NAALADL2: variants seen among roughly 807,000 people sequenced by gnomAD.
The protein encoded by NAALADL2 is N-acetylated alpha-linked acidic dipeptidase like 2.
Under a neutral mutation model 87.2 loss-of-function variants are expected in NAALADL2, and 76 were observed. That is an observed-to-expected ratio of 0.87 (90% CI 0.72 to 1.05). The LOEUF (loss-of-function observed/expected upper bound fraction) is 1.05, where lower values mean the gene tolerates loss of function less well. NAALADL2 is among the 50% of genes least tolerant of loss of function. The pLI is 0.00. For synonymous variants in NAALADL2, 354 were observed against 331.0 expected (o/e 1.07, Z -0.75); for missense variants, 1,089 against 945.8 (o/e 1.15, Z -1.99).
At chr3:174,660,040 CTT>C (rs1214680737) in intron 2 of NAALADL2, among the ~76,000 whole-genome samples, 1 of 152,100 alleles carries the variant, frequency 6.6e-6, no homozygotes, top group Admixed American at 6.6e-5. Context: ...ATAATAAACA[CTT>C]TTATTTTTAA....
chr3:175,430,866 C>T (rs1717638001), intron 5 of NAALADL2, among the ~76,000 whole-genome samples: 1 of 151,970 alleles, frequency 6.6e-6, no homozygotes, highest in Non-Finnish European at 1.5e-5. Flanking sequence ...TTTCCTGTTG[C>T]TTATGGATAA....
rs115429482 is a variant in NAALADL2, at chr3:174,461,757, T to C, written c.-184+20725T>C. 1.7e-3 allele frequency among the ~76,000 whole-genome samples: 257 copies of C among 152,240 alleles called. 1 individual carries two copies. The highest frequency in any genetic ancestry group is 6.0e-3 in the African/African-American group (251 of 41,576). The stretch of plus-strand genomic sequence containing the variant: ...GCTCTTGATAGCTTTGGAATTTCTA[T>C]ACTATAGTGCCCTTATATACTTTAA... On this transcript the variant is annotated intron_variant, in intron 1 of 3. Coordinates refer to the NAALADL2 transcript ENST00000434257.
chr3:174,928,320 A>T (rs376992736), intron 1 of NAALADL2, among the ~76,000 whole-genome samples: 3 of 152,088 alleles, frequency 2.0e-5, no homozygotes, highest in African/African-American at 7.2e-5. Flanking sequence ...GCTCACTGCA[A>T]CCTCTGCCTC....
intron 3 of NAALADL2, among the ~76,000 whole-genome samples, chr3:174,788,591 C>T (rs1717087252): frequency 6.6e-6 from 1 of 152,108 alleles, no homozygotes; most frequent in African/African-American, 2.4e-5. Context: ...CACACCCTAA[C>T]CACTCCATTT....
At chr3:175,690,599 T>C (rs1736919887) in intron 11 of NAALADL2, among the ~76,000 whole-genome samples, 1 of 151,990 alleles carries the variant, frequency 6.6e-6, no homozygotes, top group African/African-American at 2.4e-5. Context: ...AACAATTAGA[T>C]AGAGAGTTAA....
chr3:174,449,700 C>G (rs1395876272), intron 1 of NAALADL2, among the ~76,000 whole-genome samples: 1 of 152,088 alleles, frequency 6.6e-6, no homozygotes, highest in Non-Finnish European at 1.5e-5. Context: ...TATCTTCTGT[C>G]TTTTATTTTT....
intron 5 of NAALADL2, among the ~76,000 whole-genome samples, chr3:175,427,135 T>G (rs189219976): frequency 6.6e-6 from 1 of 152,344 alleles, no homozygotes; most frequent in East Asian, 1.9e-4. Context: ...CTTGAATATA[T>G]GCTGTTCTTT....
intron 2 of NAALADL2, among the ~76,000 whole-genome samples, chr3:175,201,558 T>G (rs1294806056): frequency 6.6e-6 from 1 of 152,188 alleles, no homozygotes; most frequent in African/African-American, 2.4e-5. Flanking sequence ...TAACTAGGTT[T>G]GACAGTAAAA....
intron 1 of NAALADL2, among the ~76,000 whole-genome samples, chr3:174,891,366 T>G (rs1319400957): frequency 1.3e-5 from 2 of 152,058 alleles, no homozygotes; most frequent in Non-Finnish European, 2.9e-5. Context: ...GCACTCACAG[T>G]ACCTGGTTTT....
intron 1 of NAALADL2, among the ~76,000 whole-genome samples, chr3:174,944,239 C>T (rs566496397): frequency 9.2e-5 from 14 of 152,162 alleles, no homozygotes; most frequent in African/African-American, 2.9e-4. Context: ...TGGTAGAGAC[C>T]CCGATTAGGA....
chr3:174,625,057 C>CTCTCTTTTTTTTTTTTTTTTTT (rs748895219), intron 2 of NAALADL2, among the ~76,000 whole-genome samples: 1 of 78,846 alleles, frequency 1.3e-5, no homozygotes, highest in Non-Finnish European at 2.2e-5. Flanking sequence ...CTCTCTCTCT[C>CTCTCTTTTTTTTTTTTTTTTTT]TTTTTTTTTT....
intron 11 of NAALADL2, among the ~76,000 whole-genome samples, chr3:175,674,660 T>C (rs1016328917): frequency 1.3e-5 from 2 of 152,192 alleles, no homozygotes; most frequent in Non-Finnish European, 2.9e-5. Context: ...TAACTTCTTA[T>C]TGGGTTGGAT....
intron 2 of NAALADL2, among the ~76,000 whole-genome samples, chr3:175,114,774 G>C (rs189449535): frequency 6.6e-6 from 1 of 151,584 alleles, no homozygotes; most frequent in Non-Finnish European, 1.5e-5. Context: ...TGAAGATTGA[G>C]ACATTATTTA....
At position 174,703,422 on chromosome 3, in the gene NAALADL2, G is replaced by C. The variant is rs1228325349; in HGVS notation, c.-114-34219G>C. 2.6e-5 allele frequency among the ~76,000 whole-genome samples: 4 copies of C among 151,862 alleles called. No individual in the cohort carries two copies. The South Asian group carries it at 6.3e-4, about 24-fold the overall frequency. On this transcript the variant is annotated intron_variant, in intron 2 of 3. Coordinates refer to the NAALADL2 transcript ENST00000434257. Reference sequence around the variant, plus strand: ...TGAGGTGAGGAGCAGCAATATTTAAGTTTTTGAAGAGCAAGAAAATGCCGC... The same window carrying C: ...TGAGGTGAGGAGCAGCAATATTTAACTTTTTGAAGAGCAAGAAAATGCCGC...
chr3:175,612,521 T>G (rs1420171078), intron 10 of NAALADL2, among the ~76,000 whole-genome samples: 1 of 152,182 alleles, frequency 6.6e-6, no homozygotes, highest in East Asian at 1.9e-4. Flanking sequence ...TTGACGAATG[T>G]ATTTGTTTCT....
rs114374516 is a variant in NAALADL2, at chr3:175,199,010, A to G, written c.546-34921A>G. The stretch of plus-strand genomic sequence containing the variant: ...GTTTGCATCTGGACATTGTAGACTT[A>G]AATTTTAAGGACAGTTTCAATAAAT... On this transcript the variant is annotated intron_variant, in intron 2 of 13. Coordinates refer to ENST00000454872, the MANE Select transcript of NAALADL2 (RefSeq NM_207015.3). Among the ~76,000 whole-genome samples the G allele has an allele frequency of 2.3e-3, 353 of 152,246 alleles. 2 individuals carry two copies. The highest frequency in any genetic ancestry group is 8.2e-3 in the African/African-American group (342 of 41,554).
At chr3:175,603,522 A>G (rs1248559552) in intron 10 of NAALADL2, among the ~76,000 whole-genome samples, 6 of 152,042 alleles carry the variant, frequency 3.9e-5, no homozygotes, top group Admixed American at 2.0e-4. Flanking sequence ...TTCTATCTCT[A>G]TGATTTGGAC....
chr3:175,692,307 T>G (rs1160270931), intron 11 of NAALADL2, among the ~76,000 whole-genome samples: 1 of 152,164 alleles, frequency 6.6e-6, no homozygotes, highest in East Asian at 1.9e-4. Flanking sequence ...ATATAGAGCT[T>G]GGATCTGGAA....
chr3:175,581,766 C>T lies in NAALADL2; in HGVS notation c.1800+5579C>T, dbSNP rs952594150. On this transcript the variant is annotated intron_variant, in intron 10 of 13. Transcript: ENST00000454872. ...GCATTATAAAAATAGTTTTGATCTC[C>T]TGATCCTTGAAGGTCTCTGGCCCAC... Among the ~76,000 whole-genome samples the T allele has an allele frequency of 3.9e-5, 6 of 152,154 alleles. 1 individual carries two copies. Among genetic ancestry groups the T allele is most frequent in the Non-Finnish European group, 1.5e-5 (1 of 68,036 alleles).
Sources: allele counts gnomAD v4.1 joint callset (sites outside exome capture counted in the v4.1 genomes callset), GRCh38; gene constraint gnomAD v4.1.1; transcripts MANE v1.5; gene names NCBI Gene and HGNC (gene_info 2026-07-23, HGNC 2026-07-21).